Variants in SORBS2 observed in about 807,000 individuals in gnomAD.
The protein encoded by SORBS2 is sorbin and SH3 domain containing 2.
In SORBS2, 46 loss-of-function variants were observed where a neutral mutation model predicts 97.7. The ratio of observed to expected loss-of-function variants is 0.47; its 90% confidence interval spans 0.37 to 0.60. SORBS2 has a LOEUF of 0.60. Ranked by LOEUF, SORBS2 falls within the 20% of genes least tolerant of loss-of-function variation. The probability of loss-of-function intolerance (pLI) is 0.00; values close to 1 mark genes in which losing one functional copy is unlikely to be tolerated. For synonymous variants in SORBS2, 476 were observed against 473.4 expected (o/e 1.01, Z -0.07); for missense variants, 1,316 against 1,282.3 (o/e 1.03, Z -0.40).
chr4:185,606,718 T>A lies in SORBS2; in HGVS notation c.2796+5062A>T. ...TTCAATGTGCAGGTGTGGGGTGCCC[T>A]CTGACCCATCGTGGCCACACCACCA... On this transcript the variant is annotated intron_variant, in intron 12 of 14. Coordinates refer to ENST00000418609, the Ensembl canonical transcript of SORBS2. This position sits in a 1 kb window ranked among gnomAD's most constrained non-coding sequence, Gnocchi z 4.3. The A allele has an allele frequency of 2.0e-6, 2 of 985,320 alleles. No homozygotes were observed. The highest frequency in any genetic ancestry group is 2.4e-6 in the Non-Finnish European group (2 of 829,910). The allele number at this position is 985,320 out of a possible 1,614,324, so 61.0% of individuals were successfully genotyped here.
chr4:185,638,611 G>A (rs1033336694), intron 4 of SORBS2, among the ~76,000 whole-genome samples: 1 of 151,510 alleles, frequency 6.6e-6, no homozygotes, highest in African/African-American at 2.4e-5. Flanking sequence ...ATGGGAGCCC[G>A]CAGTCTGCAG....
intron 1 of SORBS2, among the ~76,000 whole-genome samples, chr4:185,923,723 A>G (rs1262375590): frequency 6.6e-6 from 1 of 152,086 alleles, no homozygotes; most frequent in East Asian, 1.9e-4. Flanking sequence ...TACATTTGTA[A>G]ATGAAAAAGA....
At chr4:185,801,583 G>A (rs751119715) in intron 1 of SORBS2, among the ~76,000 whole-genome samples, 3 of 152,072 alleles carry the variant, frequency 2.0e-5, no homozygotes, top group Non-Finnish European at 4.4e-5. Context: ...TGTTGAGCAC[G>A]TTTCCATACG....
chr4:185,694,457 T>C (rs1446550459), intron 2 of SORBS2, among the ~76,000 whole-genome samples: 1 of 152,178 alleles, frequency 6.6e-6, no homozygotes, highest in Non-Finnish European at 1.5e-5. Context: ...TGATTTTCAA[T>C]AGGTGCTAGG....
chr4:185,894,935 CG>C (rs1198732846), intron 1 of SORBS2, among the ~76,000 whole-genome samples: 1 of 152,142 alleles, frequency 6.6e-6, no homozygotes, highest in Admixed American at 6.5e-5. Flanking sequence ...GTGACTGAGC[CG>C]GGGATGCCTC....
rs201496948 is a variant in SORBS2 at position 185,694,716 on chromosome 4, C to CT, written c.-197-15895dup. Among the ~76,000 whole-genome samples, 8 of 132,146 alleles carry CT rather than the reference C, an allele frequency of 6.1e-5. No individual in the cohort carries two copies. The South Asian group carries it at 7.5e-4, about 12-fold the overall frequency. 86.7% of individuals were successfully genotyped at this position (132,146 alleles called of 152,430 possible). On this transcript the variant is annotated intron_variant, in intron 2 of 20. Transcript: ENST00000284776. ...TTTTTCCTTTTCTTTCTTTTCTTTT[C>CT]TTTTTTTTGAGACGGAGTCTCACTC...
In SORBS2 at chr4:185,811,308, A is replaced by G. The variant is rs114242955; in HGVS notation, c.-337-35942T>C. 6.9e-3 allele frequency among the ~76,000 whole-genome samples: 1,054 copies of G among 152,352 alleles called. 15 individuals carry two copies. Among genetic ancestry groups the G allele is most frequent in the African/African-American group, 0.021 (892 of 41,588 alleles). On this transcript the variant is annotated intron_variant, in intron 1 of 20. Transcript: ENST00000284776. ...TTCTTTTTCATGTAGTTCTCTGAATACAAGTCAAAGTGCAGGTCACGAAAG... is the reference window on the plus strand; with the variant it reads ...TTCTTTTTCATGTAGTTCTCTGAATGCAAGTCAAAGTGCAGGTCACGAAAG...
intron 12 of SORBS2, among the ~76,000 whole-genome samples, chr4:185,608,103 G>A (rs1227474377): frequency 6.6e-6 from 1 of 152,186 alleles, no homozygotes; most frequent in Non-Finnish European, 1.5e-5. Context: ...AATGTAGAAT[G>A]AAAACTAATA....
At chr4:185,767,129 A>C (rs1001086342) in intron 2 of SORBS2, among the ~76,000 whole-genome samples, 1 of 152,122 alleles carries the variant, frequency 6.6e-6, no homozygotes, top group Non-Finnish European at 1.5e-5. Context: ...CTCTCAGTGA[A>C]GTACAGAAAG....
chr4:185,694,706 C>CTTTCTTTTTTTT (rs1388020260), intron 2 of SORBS2, among the ~76,000 whole-genome samples: 13 of 124,270 alleles, frequency 1.0e-4, no homozygotes, highest in African/African-American at 3.2e-4. Flanking sequence ...CCTTTTCTTT[C>CTTTCTTTTTTTT]TTTTCTTTTC....
chr4:185,709,063 G>T (rs1451215947), intron 2 of SORBS2, among the ~76,000 whole-genome samples: 1 of 152,180 alleles, frequency 6.6e-6, no homozygotes, highest in African/African-American at 2.4e-5. Flanking sequence ...TGTTGCCCAG[G>T]CTGGAGTGCA....
At chr4:185,907,235 A>G (rs2099251505) in intron 1 of SORBS2, among the ~76,000 whole-genome samples, 1 of 152,068 alleles carries the variant, frequency 6.6e-6, no homozygotes, top group South Asian at 2.1e-4. Flanking sequence ...GAACCATGGA[A>G]TAGAGGATGT....
chr4:185,770,000 TA>T (rs371072557), intron 2 of SORBS2, among the ~76,000 whole-genome samples: 138 of 152,258 alleles, frequency 9.1e-4, no homozygotes, highest in African/African-American at 3.1e-3. Context: ...TTTTCTTTTT[TA>T]GGTGATAAGA....
At chr4:185,887,430 G>T (rs983196030) in intron 1 of SORBS2, among the ~76,000 whole-genome samples, 1 of 152,200 alleles carries the variant, frequency 6.6e-6, no homozygotes, top group Non-Finnish European at 1.5e-5. Flanking sequence ...GAACCACGCT[G>T]TGGCTTCAGG....
intron 1 of SORBS2, among the ~76,000 whole-genome samples, chr4:185,887,268 G>A (rs186384044): frequency 1.0e-3 from 152 of 152,308 alleles, no homozygotes; most frequent in African/African-American, 3.6e-3. Flanking sequence ...TACATGGGCC[G>A]GGTAGAAGAG....
At chr4:185,821,850 G>A (rs1001761664) in intron 1 of SORBS2, among the ~76,000 whole-genome samples, 3 of 152,280 alleles carry the variant, frequency 2.0e-5, no homozygotes, top group South Asian at 2.1e-4. Flanking sequence ...TGTTTTGGTC[G>A]CTTTTATTAG....
At chr4:185,868,441 C>G (rs1302766215) in intron 1 of SORBS2, among the ~76,000 whole-genome samples, 1 of 151,722 alleles carries the variant, frequency 6.6e-6, no homozygotes, top group Admixed American at 6.6e-5. Context: ...CAGGCATGAG[C>G]CACCGTGCCC....
At chr4:185,648,074 G>A (rs751754635) in intron 3 of SORBS2, among the ~76,000 whole-genome samples, 3 of 151,936 alleles carry the variant, frequency 2.0e-5, no homozygotes, top group Non-Finnish European at 2.9e-5. Flanking sequence ...GTGTGTTTTG[G>A]TGGGATGCTG....
intron 2 of SORBS2, among the ~76,000 whole-genome samples, chr4:185,694,759 G>A (rs1251269694): frequency 7.0e-6 from 1 of 142,088 alleles, no homozygotes; most frequent in African/African-American, 2.6e-5. Context: ...CAGGCTAGAG[G>A]GCAGTGGCAT....
Sources: allele counts gnomAD v4.1 joint callset (sites outside exome capture counted in the v4.1 genomes callset), GRCh38; gene constraint gnomAD v4.1.1; non-coding constraint Gnocchi (gnomAD v3.1); transcripts MANE v1.5; gene names NCBI Gene and HGNC (gene_info 2026-07-23, HGNC 2026-07-21).